The following GRIK2 variants were observed in gnomAD, a reference collection of about 807,000 sequenced individuals.
GRIK2 encodes the protein glutamate ionotropic receptor kainate type subunit 2, also known as glutamate receptor ionotropic, kainate 2.
Under a neutral mutation model 100.3 loss-of-function variants are expected in GRIK2, and 32 were observed. The ratio of observed to expected loss-of-function variants is 0.32; its 90% confidence interval spans 0.24 to 0.43. The LOEUF (loss-of-function observed/expected upper bound fraction) is 0.43. Among genes scored for constraint, GRIK2 ranks in the 20% least tolerant of loss-of-function variants. The pLI is 1.00. For missense variants in GRIK2, 843 were observed against 1,114.9 expected (o/e 0.76, Z 3.47); for synonymous variants, 417 against 389.4 (o/e 1.07, Z -0.83).
At chr6:102,021,673 G>A (rs1459228992) in intron 14 of GRIK2, among the ~76,000 whole-genome samples, 1 of 151,314 alleles carries the variant, frequency 6.6e-6, no homozygotes, top group Non-Finnish European at 1.5e-5. Flanking sequence ...TTTTCAGTTT[G>A]CACCATATTT....
Position 101,490,319 on chromosome 6 carries a change from G to T in GRIK2, c.115+90927G>T, listed in dbSNP as rs556353583. 7.6e-5 allele frequency among the ~76,000 whole-genome samples: 11 copies of T among 144,450 alleles called. 2 individuals carry two copies. The highest frequency in any genetic ancestry group is 2.8e-4 in the African/African-American group (10 of 36,310). 94.8% of individuals were successfully genotyped at this position (144,450 alleles called of 152,430 possible). A position where few individuals can be genotyped will look rare whatever the true frequency, so the allele number is the denominator to read the frequency against. ...TCCAGTTTGCATATAAGAAAACAAA[G>T]ATATAGAAAATTTAAGAAACTTCTC... On this transcript the variant is annotated intron_variant, in intron 2 of 16. Transcript: ENST00000369134.
chr6:101,889,869 A>ATGC lies in GRIK2; in HGVS notation c.1748+8_1748+10dup, dbSNP rs775449950. ...GTGCTCTTTGTCATAGCCAGGTAACATGCTCACTTTTGTGATTTTTTTGGC... is the reference window on the plus strand; with the variant it reads ...GTGCTCTTTGTCATAGCCAGGTAACATGCTGCTCACTTTTGTGATTTTTTTGGC... On this transcript the variant is annotated splice_region_variant and intron_variant, in intron 12 of 16. Transcript: ENST00000369134. The ATGC allele has an allele frequency of 6.4e-7, 1 of 1,571,506 alleles. No homozygotes were observed. The highest frequency in any genetic ancestry group is 1.3e-5 in the African/African-American group (1 of 74,092).
chr6:101,624,420 T>C lies in GRIK2; in HGVS notation c.284-1960T>C, dbSNP rs571849846. Among the ~76,000 whole-genome samples, 57 of 152,292 alleles carry C rather than the reference T, an allele frequency of 3.7e-4. No homozygotes were observed. In the East Asian group the frequency reaches 0.011, roughly 28 times the overall value. ...GTTATTTAAAAAGTAAGAATCCATG[T>C]ATTTAAAAACAATTTATTTAGATCA... On this transcript the variant is annotated intron_variant, in intron 3 of 16. Coordinates refer to ENST00000369134, the MANE Select transcript of GRIK2 (RefSeq NM_021956.5).
At chr6:101,905,499 T>G (rs1788158867) in intron 12 of GRIK2, among the ~76,000 whole-genome samples, 1 of 151,458 alleles carries the variant, frequency 6.6e-6, no homozygotes, top group African/African-American at 2.4e-5. Context: ...TTAGTAAAGT[T>G]ATATTATTTA....
In GRIK2 at chr6:101,803,944, TA is replaced by T. The variant is rs532853994; in HGVS notation, c.1203+1507del. ...TCAGGTTGCTCTGAGATTTCATAAA[TA>T]TTTTATATTATTTTCTAAAATCTGA... On this transcript the variant is annotated intron_variant, in intron 9 of 16. Transcript: ENST00000369134. Among the ~76,000 whole-genome samples the T allele has an allele frequency of 2.2e-3, 339 of 152,012 alleles. No homozygotes were observed. The Middle Eastern group carries it at 0.037, about 17-fold the overall frequency.
intron 10 of GRIK2, among the ~76,000 whole-genome samples, chr6:101,824,517 T>G (rs1006692349): frequency 1.3e-5 from 2 of 152,224 alleles, no homozygotes; most frequent in East Asian, 3.8e-4. Context: ...TGTCTGACTA[T>G]GTTGAGTGTT....
At position 101,889,684 on chromosome 6, in the gene GRIK2, A is replaced by G. The variant is rs759541269; in HGVS notation, c.1569A>G (p.Arg523=). ...AVAPLAITYV[R]EKVIDFSKPF... ...CTCCACTGGCTATTACCTATGTTCG[A>G]GAGAAGGTCATCGACTTTTCCAAGC... Residue 523 remains arginine, a synonymous_variant, in exon 12 of 17, where the codon CGA becomes CGG. Coordinates refer to ENST00000369134, the MANE Select transcript of GRIK2 (RefSeq NM_021956.5). 1.2e-6 allele frequency: 2 copies of G among 1,609,372 alleles called. No homozygotes were observed. Among genetic ancestry groups the G allele is most frequent in the South Asian group, 2.2e-5 (2 of 90,986 alleles).
chr6:101,402,551 G>A (rs749107511), intron 2 of GRIK2, among the ~76,000 whole-genome samples: 3 of 152,172 alleles, frequency 2.0e-5, no homozygotes, highest in Non-Finnish European at 4.4e-5. Flanking sequence ...CGACCTGAGG[G>A]TCAACCAAGG....
At chr6:101,702,379 T>A (rs529166206) in intron 7 of GRIK2, among the ~76,000 whole-genome samples, 1 of 152,118 alleles carries the variant, frequency 6.6e-6, no homozygotes, top group East Asian at 1.9e-4. Context: ...TACAGTTAGA[T>A]GTTGTACATT....
chr6:101,682,516 G>A (rs764148241), intron 5 of GRIK2, 37 bp from the exon 6 acceptor site: 1 of 904,680 alleles, frequency 1.1e-6, no homozygotes, highest in East Asian at 2.4e-5. Context: ...TGTCTTTCCT[G>A]AAATATGTAC....
At chr6:102,021,149 T>C (rs1769401713) in intron 14 of GRIK2, among the ~76,000 whole-genome samples, 2 of 151,712 alleles carry the variant, frequency 1.3e-5, no homozygotes, top group South Asian at 4.1e-4. Context: ...GGATAGAAAA[T>C]CTGAATGATA....
chr6:101,508,495 T>C (rs2579926), intron 2 of GRIK2, among the ~76,000 whole-genome samples: 52,682 of 151,888 alleles, frequency 0.35, 9,383 homozygotes, highest in Middle Eastern at 0.46. Context: ...ATAGAAAATA[T>C]TGATTTTTTT....
At chr6:101,540,017 G>A (rs1775907280) in intron 2 of GRIK2, among the ~76,000 whole-genome samples, 1 of 151,674 alleles carries the variant, frequency 6.6e-6, no homozygotes, top group African/African-American at 2.4e-5. Context: ...TGTTCCACCT[G>A]CCAATAAAGT....
intron 15 of GRIK2, among the ~76,000 whole-genome samples, chr6:102,045,193 C>G (rs1443070655): frequency 6.6e-6 from 1 of 151,872 alleles, no homozygotes; most frequent in African/African-American, 2.4e-5. Context: ...GTAACAAAGA[C>G]TACATAAAAT....
chr6:101,402,789 G>T (rs1002333613), intron 2 of GRIK2, among the ~76,000 whole-genome samples: 12 of 152,168 alleles, frequency 7.9e-5, no homozygotes, highest in Non-Finnish European at 1.8e-4. Flanking sequence ...GAGCGCTGGC[G>T]CGGCGGGCAC....
At position 101,928,580 on chromosome 6, in the gene GRIK2, C is replaced by T. The variant is rs763591971; in HGVS notation, c.2033C>T (p.Thr678Ile). The T allele has an allele frequency of 1.2e-6, 2 of 1,608,220 alleles. No individual in the cohort carries two copies. The highest frequency in any genetic ancestry group is 1.1e-5 in the South Asian group (1 of 90,984). ...IDSADDLAKQ[T>I]KIEYGAVEDG... ...TCTGCTGATGATTTAGCTAAACAAACCAAGATAGAATATGGAGCAGTAGAG... is the reference window on the plus strand; with the variant it reads ...TCTGCTGATGATTTAGCTAAACAAATCAAGATAGAATATGGAGCAGTAGAG... The change falls in exon 14 of 17, where the codon ACC (threonine) becomes ATC (isoleucine). Residue 678 changes from threonine to isoleucine, a missense_variant. This residue lies in a region of GRIK2 where 237 missense variants were observed against 388.0 expected (regional missense o/e 0.61). Transcript: ENST00000369134.
At chr6:102,054,694 G>A (rs536113220) in intron 15 of GRIK2, among the ~76,000 whole-genome samples, 2 of 152,016 alleles carry the variant, frequency 1.3e-5, no homozygotes, top group Admixed American at 6.6e-5. Context: ...AAGGAACAAC[G>A]CCCCAAATGT....
At position 102,054,665 on chromosome 6, in the gene GRIK2, C is replaced by T. The variant is rs537840499; in HGVS notation, c.2312-665C>T. Among the ~76,000 whole-genome samples the T allele has an allele frequency of 2.0e-5, 3 of 152,106 alleles. No homozygotes were observed. In the South Asian group the frequency reaches 6.2e-4, roughly 32 times the overall value. ...AAAAAAACAAAATAAAACCTTGTCT[C>T]CTATAAAATAAATTGATAAAGGAAC... On this transcript the variant is annotated intron_variant, in intron 15 of 16. Coordinates refer to ENST00000369134, the MANE Select transcript of GRIK2 (RefSeq NM_021956.5).
intron 14 of GRIK2, among the ~76,000 whole-genome samples, chr6:101,995,354 T>C (rs1794595698): frequency 1.3e-5 from 2 of 151,954 alleles, no homozygotes; most frequent in South Asian, 4.1e-4. Flanking sequence ...TCAAATTTCA[T>C]TTGATTCCAT....
Sources: allele counts gnomAD v4.1 joint callset (sites outside exome capture counted in the v4.1 genomes callset), GRCh38; gene constraint gnomAD v4.1.1; regional missense constraint gnomAD v4.1.1; transcripts MANE v1.5; gene names NCBI Gene and HGNC (gene_info 2026-07-23, HGNC 2026-07-21).